LRMDA: variants seen among roughly 807,000 people sequenced by gnomAD.
LRMDA encodes the protein leucine-rich melanocyte differentiation-associated protein.
In LRMDA, 18 loss-of-function variants were observed where a neutral mutation model predicts 29.8. The observed-to-expected ratio is 0.60, with a 90% CI of 0.42 to 0.90. The LOEUF is 0.90. Among genes scored for constraint, LRMDA ranks in the 40% least tolerant of loss-of-function variants. The probability of loss-of-function intolerance (pLI) is 0.00; values close to 1 mark genes in which losing one functional copy is unlikely to be tolerated. For synonymous variants in LRMDA, 125 were observed against 109.4 expected (o/e 1.14, Z -0.89); for missense variants, 273 against 273.9 (o/e 1.00, Z 0.02).
chr10:75,605,545 A>C (rs942931584), intron 2 of LRMDA, among the ~76,000 whole-genome samples: 1 of 152,230 alleles, frequency 6.6e-6, no homozygotes, highest in Non-Finnish European at 1.5e-5. Context: ...CTGATGGAAC[A>C]CTTTGATCTG....
At chr10:76,147,898 C>T (rs1359969863) in intron 5 of LRMDA, among the ~76,000 whole-genome samples, 1 of 152,206 alleles carries the variant, frequency 6.6e-6, no homozygotes, top group African/African-American at 2.4e-5. Flanking sequence ...AGTTTTCCTT[C>T]TAACAGACTG....
intron 2 of LRMDA, among the ~76,000 whole-genome samples, chr10:75,988,409 T>C (rs1476615189): frequency 1.3e-5 from 2 of 151,982 alleles, no homozygotes; most frequent in Non-Finnish European, 2.9e-5. Flanking sequence ...CCATTCTACA[T>C]TCAGCATGGG....
At chr10:75,591,989 A>AG (rs888755663) in intron 2 of LRMDA, among the ~76,000 whole-genome samples, 3 of 152,098 alleles carry the variant, frequency 2.0e-5, no homozygotes, top group South Asian at 2.1e-4. Flanking sequence ...ATGGAGGAGC[A>AG]GGGGGCATGT....
intron 2 of LRMDA, among the ~76,000 whole-genome samples, chr10:75,867,408 G>T (rs575968576): frequency 6.6e-6 from 1 of 152,116 alleles, no homozygotes; most frequent in African/African-American, 2.4e-5. Context: ...TGATCTGCCC[G>T]CCTCGGCCTC....
chr10:75,783,030 A>G, intron 2 of LRMDA: 2 of 1,614,126 alleles, frequency 1.2e-6, no homozygotes, highest in Non-Finnish European at 8.5e-7. Flanking sequence ...AAGGTTAGCC[A>G]GACAGGACCC....
At chr10:75,727,523 C>T (rs1455035014) in intron 2 of LRMDA, among the ~76,000 whole-genome samples, 1 of 152,188 alleles carries the variant, frequency 6.6e-6, no homozygotes, top group Non-Finnish European at 1.5e-5. Flanking sequence ...ATGCTTATCG[C>T]TTGCTTTTAT....
At chr10:75,552,438 G>A in intron 2 of LRMDA, 1 of 284,616 alleles carries the variant, frequency 3.5e-6, no homozygotes, top group Non-Finnish European at 7.7e-6. Flanking sequence ...CCCCCCTCTG[G>A]CTGCTTTCAG....
At chr10:75,887,733 A>G (rs751001186) in intron 2 of LRMDA, among the ~76,000 whole-genome samples, 9 of 152,144 alleles carry the variant, frequency 5.9e-5, no homozygotes, top group Admixed American at 5.2e-4. Flanking sequence ...GTCTAGATGC[A>G]TATCTGGTTC....
intron 2 of LRMDA, among the ~76,000 whole-genome samples, chr10:75,471,241 G>A (rs745662123): frequency 2.0e-5 from 3 of 151,830 alleles, no homozygotes; most frequent in Non-Finnish European, 2.9e-5. Context: ...GTGGGGTGTG[G>A]TTCTGGTAAG....
intron 2 of LRMDA, among the ~76,000 whole-genome samples, chr10:75,870,580 A>T (rs905398125): frequency 6.6e-6 from 1 of 152,066 alleles, no homozygotes; most frequent in Non-Finnish European, 1.5e-5. Context: ...CAGTCACCGC[A>T]TCTGGTGGGC....
At chr10:75,460,716 C>A (rs970131050) in intron 2 of LRMDA, among the ~76,000 whole-genome samples, 1 of 151,924 alleles carries the variant, frequency 6.6e-6, no homozygotes, top group African/African-American at 2.4e-5. Context: ...AAGGTCTTGA[C>A]TTCTGTTTTT....
At chr10:75,695,567 C>T (rs963404878) in intron 2 of LRMDA, among the ~76,000 whole-genome samples, 1 of 152,036 alleles carries the variant, frequency 6.6e-6, no homozygotes, top group Non-Finnish European at 1.5e-5. Flanking sequence ...TATCTCCCTC[C>T]CCCTCCCTTT....
intron 6 of LRMDA, among the ~76,000 whole-genome samples, chr10:76,352,473 T>G (rs1396816554): frequency 2.6e-5 from 4 of 152,000 alleles, no homozygotes; most frequent in Non-Finnish European, 2.9e-5. Context: ...AGCGGCCGAT[T>G]CTATATACAG....
intron 2 of LRMDA, among the ~76,000 whole-genome samples, chr10:75,761,797 TTTTTTTTTTTG>T (rs1445877996): frequency 1.0e-3 from 144 of 141,538 alleles, no homozygotes; most frequent in African/African-American, 4.3e-3. Context: ...TACTTTTGTT[TTTTTTTTTTTG>T]TTTTTTTTTT....
intron 6 of LRMDA, among the ~76,000 whole-genome samples, chr10:76,555,004 C>G (rs1446188513): frequency 1.3e-5 from 2 of 152,054 alleles, no homozygotes; most frequent in Non-Finnish European, 1.5e-5. Context: ...TCATGTTATC[C>G]TAGTGCCATA....
At chr10:76,056,559 C>T (rs949597027) in intron 4 of LRMDA, among the ~76,000 whole-genome samples, 8 of 152,208 alleles carry the variant, frequency 5.3e-5, no homozygotes, top group Non-Finnish European at 8.8e-5. Flanking sequence ...GTCCCTTGGC[C>T]TCCCTGCTGT....
Position 75,513,817 on chromosome 10 carries a change from T to C in LRMDA, c.131+75323T>C, listed in dbSNP as rs528832322. ...CCCACCTGGGTAATCCAGGACACTC[T>C]CCCTATCTCAAAATCCTAGTTTAAT... On this transcript the variant is annotated intron_variant, in intron 2 of 6. Coordinates refer to ENST00000611255, the MANE Select transcript of LRMDA (RefSeq NM_001305581.2). 1.7e-3 allele frequency among the ~76,000 whole-genome samples: 261 copies of C among 152,228 alleles called. 1 individual carries two copies. The highest frequency in any genetic ancestry group is 6.8e-3 in the Middle Eastern group (2 of 294).
At chr10:76,501,856 C>T (rs1380048581) in intron 6 of LRMDA, among the ~76,000 whole-genome samples, 1 of 151,642 alleles carries the variant, frequency 6.6e-6, no homozygotes, top group African/African-American at 2.4e-5. Context: ...GAAGTTCTTT[C>T]GTTTAATTAG....
At chr10:75,455,870 C>G (rs1464901575) in intron 2 of LRMDA, among the ~76,000 whole-genome samples, 2 of 152,136 alleles carry the variant, frequency 1.3e-5, no homozygotes, top group Non-Finnish European at 2.9e-5. Flanking sequence ...GACTTCGGAG[C>G]CTGTACAACA....
Sources: gnomAD v4.1 joint callset for allele counts (sites outside exome capture counted in the v4.1 genomes callset) on GRCh38, gnomAD v4.1.1 for gene constraint, MANE v1.5 for transcripts, NCBI Gene and HGNC (gene_info 2026-07-23, HGNC 2026-07-21) for gene names.